The following ANKFN1 variants were observed in gnomAD, a reference collection of about 807,000 sequenced individuals.
ANKFN1 encodes ankyrin repeat and fibronectin type III domain containing 1, also known as ankyrin repeat and fibronectin type-III domain-containing protein 1.
ANKFN1 carries 74 observed loss-of-function variants against 108.7 expected under a neutral mutation model. The ratio of observed to expected loss-of-function variants is 0.68; its 90% confidence interval spans 0.56 to 0.83. ANKFN1 has a LOEUF of 0.83. Ranked by LOEUF, ANKFN1 falls within the 40% of genes least tolerant of loss-of-function variation. The probability of loss-of-function intolerance (pLI) is 0.00; values close to 1 mark genes in which losing one functional copy is unlikely to be tolerated. For synonymous variants in ANKFN1, 547 were observed against 516.2 expected (o/e 1.06, Z -0.81); for missense variants, 1,505 against 1,382.3 (o/e 1.09, Z -1.41).
At chr17:56,423,426 A>G (rs1395881205) in intron 8 of ANKFN1, among the ~76,000 whole-genome samples, 2 of 152,200 alleles carry the variant, frequency 1.3e-5, no homozygotes, top group African/African-American at 4.8e-5. Flanking sequence ...AATGTCTCCA[A>G]TGACCCTCCT....
At chr17:56,500,105 T>A (rs1224833492) in intron 20 of ANKFN1, among the ~76,000 whole-genome samples, 1 of 152,224 alleles carries the variant, frequency 6.6e-6, no homozygotes, top group Non-Finnish European at 1.5e-5. Flanking sequence ...TGACACTCAG[T>A]TTCCATGTAT....
intron 2 of ANKFN1, among the ~76,000 whole-genome samples, chr17:56,223,410 T>G (rs1197929665): frequency 6.6e-6 from 1 of 152,114 alleles, no homozygotes; most frequent in Non-Finnish European, 1.5e-5. Flanking sequence ...TTTTAACTGT[T>G]AAAAAGGTAT....
chr17:56,315,433 C>T (rs1294383991), intron 3 of ANKFN1, among the ~76,000 whole-genome samples: 2 of 152,202 alleles, frequency 1.3e-5, no homozygotes, highest in South Asian at 2.1e-4. Context: ...CTGTGACTCC[C>T]CTTTCAAACT....
chr17:56,170,807 T>TATACACACACACACACAC lies in ANKFN1; in HGVS notation c.-71+17278_-71+17279insTACACACACACACACACA, dbSNP rs1361307404. ...ATATATATATATATATATATATATA[T>TATACACACACACACACAC]ACACACACACACACACACACACACA... On this transcript the variant is annotated intron_variant, in intron 1 of 20. Coordinates refer to ENST00000682825, the MANE Select transcript of ANKFN1 (RefSeq NM_001370326.1). Among the ~76,000 whole-genome samples, 58 of 61,444 alleles carry TATACACACACACACACAC rather than the reference T, an allele frequency of 9.4e-4. No homozygotes were observed. The East Asian group carries it at 0.021, about 22-fold the overall frequency. 40.3% of individuals were successfully genotyped at this position (61,444 alleles called of 152,430 possible). A position where few individuals can be genotyped will look rare whatever the true frequency, so the allele number is the denominator to read the frequency against.
At chr17:56,239,970 T>C (rs1917458608) in intron 3 of ANKFN1, among the ~76,000 whole-genome samples, 1 of 152,116 alleles carries the variant, frequency 6.6e-6, no homozygotes, top group Non-Finnish European at 1.5e-5. Flanking sequence ...AGCATAGTAT[T>C]CATAGGCTTT....
At chr17:56,132,561 A>G (rs1907344292) in intron 4 of ANKFN1, among the ~76,000 whole-genome samples, 1 of 152,228 alleles carries the variant, frequency 6.6e-6, no homozygotes, top group South Asian at 2.1e-4. Flanking sequence ...AATCGCAAAC[A>G]GAGTAGGTCA....
At chr17:56,428,555 C>T (rs1021590270) in intron 8 of ANKFN1, among the ~76,000 whole-genome samples, 6 of 151,560 alleles carry the variant, frequency 4.0e-5, no homozygotes, top group Non-Finnish European at 8.8e-5. Context: ...CTCCGCCTCC[C>T]GGGTTCAAAT....
chr17:56,158,651 C>T (rs1909336963), intron 1 of ANKFN1, among the ~76,000 whole-genome samples: 1 of 152,160 alleles, frequency 6.6e-6, no homozygotes, highest in Admixed American at 6.5e-5. Flanking sequence ...CAGACAACAA[C>T]ACAGCATGTG....
intron 8 of ANKFN1, among the ~76,000 whole-genome samples, chr17:56,436,285 C>A (rs1164127481): frequency 1.3e-5 from 2 of 152,172 alleles, no homozygotes; most frequent in African/African-American, 2.4e-5. Flanking sequence ...ATACTAATAT[C>A]TAGGTTTTGT....
Position 56,350,912 on chromosome 17 carries a change from A to C in ANKFN1, c.335A>C (p.Asp112Ala). ...CTGAAAGGGAGCCACTCTTCCTTCG[A>C]TGAGGCCTATTTTAGGACAAGAACT... ...EKLKGSHSSF[D>A]EAYFRTRTDR... Residue 112 changes from aspartate to alanine, a missense_variant, in exon 5 of 21, where the codon GAT becomes GCT. By Grantham distance (126) the Asp-to-Ala change is moderately radical. Coordinates refer to ENST00000682825, the MANE Select transcript of ANKFN1 (RefSeq NM_001370326.1). The C allele has an allele frequency of 6.2e-7, 1 of 1,613,842 alleles. No homozygotes were observed. The highest frequency in any genetic ancestry group is 1.1e-5 in the South Asian group (1 of 91,070).
At chr17:56,189,392 G>A (rs1382239624) in intron 1 of ANKFN1, among the ~76,000 whole-genome samples, 4 of 150,620 alleles carry the variant, frequency 2.7e-5, no homozygotes, top group East Asian at 3.9e-4. Context: ...GGATGGTCTC[G>A]ATCTCCTGAC....
At chr17:56,395,496 A>G (rs545572263) in intron 8 of ANKFN1, among the ~76,000 whole-genome samples, 4 of 152,330 alleles carry the variant, frequency 2.6e-5, no homozygotes, top group African/African-American at 9.6e-5. Flanking sequence ...TTCCAGGGTG[A>G]AAAGACTGAA....
intron 1 of ANKFN1, among the ~76,000 whole-genome samples, chr17:56,209,699 G>A (rs1358915196): frequency 6.6e-6 from 1 of 152,122 alleles, no homozygotes; most frequent in Admixed American, 6.5e-5. Flanking sequence ...GGCTTTTGGG[G>A]AACAGGTGGT....
intron 18 of ANKFN1, 106 bp from the exon 19 acceptor site, chr17:56,492,081 G>A: frequency 1.6e-6 from 1 of 632,102 alleles, no homozygotes; most frequent in South Asian, 1.8e-5. Context: ...TCCACTGATA[G>A]GATTAATAAA....
At chr17:56,094,017 G>A (rs1309947984) in intron 4 of ANKFN1, among the ~76,000 whole-genome samples, 1 of 151,322 alleles carries the variant, frequency 6.6e-6, no homozygotes, top group Non-Finnish European at 1.5e-5. Context: ...ATTTGGACAG[G>A]TACAGAGGAA....
At chr17:56,447,275 A>T (rs1468528569) in intron 10 of ANKFN1, among the ~76,000 whole-genome samples, 1 of 152,210 alleles carries the variant, frequency 6.6e-6, no homozygotes, top group Non-Finnish European at 1.5e-5. Context: ...AAAAAATTTG[A>T]GGCAAAGAGA....
At chr17:56,172,883 C>G (rs528580757) in intron 1 of ANKFN1, among the ~76,000 whole-genome samples, 2 of 152,280 alleles carry the variant, frequency 1.3e-5, no homozygotes, top group South Asian at 4.2e-4. Context: ...ACACACTGAT[C>G]CCTCCCTGGA....
chr17:56,228,091 T>G (rs559009351), intron 3 of ANKFN1, 134 bp downstream of exon 3: 9 of 689,812 alleles, frequency 1.3e-5, no homozygotes, highest in Non-Finnish European at 2.1e-5. Flanking sequence ...AATCTAACAT[T>G]TCATACTATT....
chr17:56,375,758 C>A (rs7210515), intron 8 of ANKFN1, among the ~76,000 whole-genome samples: 1 of 152,032 alleles, frequency 6.6e-6, no homozygotes, highest in African/African-American at 2.4e-5. Flanking sequence ...ATTGTGATGA[C>A]AACAGCTAAT....
Sources: gnomAD v4.1 joint callset for allele counts (sites outside exome capture counted in the v4.1 genomes callset) on GRCh38, gnomAD v4.1.1 for gene constraint, MANE v1.5 for transcripts, NCBI Gene and HGNC (gene_info 2026-07-23, HGNC 2026-07-21) for gene names.